The following GGACT variants were observed in gnomAD, a reference collection of about 807,000 sequenced individuals.
GGACT encodes gamma-glutamylamine cyclotransferase.
For synonymous variants in GGACT, 118 were observed against 115.3 expected (o/e 1.02, Z -0.15); for missense variants, 241 against 233.2 (o/e 1.03, Z -0.22).
intron 2 of GGACT, among the ~76,000 whole-genome samples, chr13:100,557,156 G>A (rs896308780): frequency 1.3e-5 from 2 of 152,200 alleles, no homozygotes; most frequent in African/African-American, 4.8e-5. Flanking sequence ...CTCCTAAAGT[G>A]CTGGGATTAC....
intron 2 of GGACT, among the ~76,000 whole-genome samples, chr13:100,564,968 G>A (rs933484801): frequency 2.0e-5 from 3 of 152,186 alleles, no homozygotes; most frequent in Non-Finnish European, 4.4e-5. Context: ...AGGTTTAAAG[G>A]GAGGTTGTGA....
rs549713543 is a variant in GGACT, at chr13:100,542,279, C to T, written c.-10-9678G>A. Among the ~76,000 whole-genome samples the T allele has an allele frequency of 1.8e-4, 28 of 152,288 alleles. 1 individual carries two copies. The South Asian group carries it at 2.9e-3, about 16-fold the overall frequency. ...GCCGCTGACCCCCCCAGCAAGAAGA[C>T]GGGTAGGGTTTGTTTCATGGGACAA... On this transcript the variant is annotated intron_variant, in intron 2 of 2. Transcript: ENST00000683975.
At chr13:100,541,361 C>G (rs2088552953) in intron 2 of GGACT, among the ~76,000 whole-genome samples, 1 of 152,210 alleles carries the variant, frequency 6.6e-6, no homozygotes, top group Non-Finnish European at 1.5e-5. Flanking sequence ...ACCTGTGGGA[C>G]TTTGGGCAAG....
chr13:100,550,269 G>C (rs920607070), intron 2 of GGACT, among the ~76,000 whole-genome samples: 1 of 148,356 alleles, frequency 6.7e-6, no homozygotes, highest in Non-Finnish European at 1.5e-5. Context: ...TGGATGCGCT[G>C]AATGAATTAA....
intron 2 of GGACT, chr13:100,539,606 A>T (rs1201305557): frequency 6.9e-6 from 3 of 435,368 alleles, no homozygotes; most frequent in African/African-American, 4.0e-5. Flanking sequence ...TCTGTTTGCT[A>T]GTGTGTTGTT....
chr13:100,583,437 T>G (rs1396501536), intron 2 of GGACT, among the ~76,000 whole-genome samples: 1 of 152,212 alleles, frequency 6.6e-6, no homozygotes, highest in Non-Finnish European at 1.5e-5. Context: ...TATAAATAAT[T>G]CTTATAAATC....
At chr13:100,546,373 A>AC (rs1467415576) in intron 2 of GGACT, among the ~76,000 whole-genome samples, 2 of 151,822 alleles carry the variant, frequency 1.3e-5, no homozygotes, top group Admixed American at 1.3e-4. Flanking sequence ...AAAAAAAAAA[A>AC]AAAAAAAAAA....
At chr13:100,548,434 C>A (rs2088628346) in intron 2 of GGACT, among the ~76,000 whole-genome samples, 2 of 152,166 alleles carry the variant, frequency 1.3e-5, no homozygotes, top group Non-Finnish European at 2.9e-5. Flanking sequence ...CACAGTCATT[C>A]TCTTCTCTAG....
rs1205802792 is a variant in GGACT at position 100,558,842 on chromosome 13, G to T, written c.-11+24983C>A. Among the ~76,000 whole-genome samples the T allele has an allele frequency of 2.6e-5, 4 of 152,116 alleles. No individual in the cohort carries two copies. In the East Asian group the frequency reaches 7.7e-4, roughly 29 times the overall value. The stretch of plus-strand genomic sequence containing the variant: ...AGGCTGAGGTAGCTAGGGGGAGAGG[G>T]GATGGAGAGAGGTTGGTCAGAGAGC... On this transcript the variant is annotated intron_variant, in intron 2 of 2. Coordinates refer to ENST00000683975, the MANE Select transcript of GGACT (RefSeq NM_001195087.2).
In GGACT at chr13:100,550,332, A is replaced by T. The variant is rs1031047130; in HGVS notation, c.-10-17731T>A. On this transcript the variant is annotated intron_variant, in intron 2 of 2. Transcript: ENST00000683975. ...CACACACACACACACACACACACACACACACACACACACACACACACACCA... is the reference window on the plus strand; with the variant it reads ...CACACACACACACACACACACACACTCACACACACACACACACACACACCA... 4.5e-5 allele frequency among the ~76,000 whole-genome samples: 6 copies of T among 132,508 alleles called. No homozygotes were observed. In the East Asian group the frequency reaches 1.3e-3, roughly 29 times the overall value. 86.9% of individuals were successfully genotyped at this position (132,508 alleles called of 152,430 possible).
intron 2 of GGACT, among the ~76,000 whole-genome samples, chr13:100,568,518 A>G (rs530366768): frequency 1.3e-5 from 2 of 152,340 alleles, no homozygotes; most frequent in East Asian, 1.9e-4. Flanking sequence ...ACCATCCCCC[A>G]TGATTCAATT....
intron 2 of GGACT, among the ~76,000 whole-genome samples, chr13:100,562,864 G>A (rs2088777580): frequency 6.6e-6 from 1 of 151,674 alleles, no homozygotes. Context: ...GTGGTTTCTT[G>A]ACTCCAGAGT....
At chr13:100,574,024 C>T (rs564418596) in intron 2 of GGACT, among the ~76,000 whole-genome samples, 1 of 152,236 alleles carries the variant, frequency 6.6e-6, no homozygotes, top group East Asian at 1.9e-4. Context: ...CCTAGCAATC[C>T]CATTACTGGG....
chr13:100,547,526 G>A (rs1211702994), intron 2 of GGACT, among the ~76,000 whole-genome samples: 1 of 152,238 alleles, frequency 6.6e-6, no homozygotes, highest in Non-Finnish European at 1.5e-5. Context: ...GCCCCGCGCA[G>A]GCCTGGTCTG....
At chr13:100,553,472 C>T (rs1202911642) in intron 2 of GGACT, among the ~76,000 whole-genome samples, 14 of 152,164 alleles carry the variant, frequency 9.2e-5, no homozygotes, top group South Asian at 2.1e-4. Flanking sequence ...GGCAGCAACA[C>T]GATGGCATTC....
intron 2 of GGACT, among the ~76,000 whole-genome samples, chr13:100,568,211 C>T (rs1302340114): frequency 1.3e-5 from 2 of 152,252 alleles, no homozygotes; most frequent in Non-Finnish European, 2.9e-5. Flanking sequence ...TATTGGCCAA[C>T]ATCCTGCTGT....
intron 2 of GGACT, chr13:100,533,822 A>C (rs1423277320): frequency 2.0e-5 from 3 of 152,298 alleles, no homozygotes; most frequent in African/African-American, 7.2e-5. Flanking sequence ...ACTCAAACAA[A>C]AATGGAAATG....
chr13:100,567,927 C>T (rs1454261000), intron 2 of GGACT, among the ~76,000 whole-genome samples: 1 of 152,198 alleles, frequency 6.6e-6, no homozygotes, highest in Admixed American at 6.5e-5. Context: ...CATCTTCCCT[C>T]ACAAGACAAA....
At position 100,534,366 on chromosome 13, in the gene GGACT, C is replaced by A. The variant is rs75252546; in HGVS notation, c.-10-1765G>T. 6.6e-6 allele frequency among the ~76,000 whole-genome samples: 1 copy of A among 152,066 alleles called. No individual in the cohort carries two copies. Among genetic ancestry groups the A allele is most frequent in the African/African-American group, 2.4e-5 (1 of 41,482 alleles). On this transcript the variant is annotated intron_variant, in intron 2 of 2. Transcript: ENST00000683975. The surrounding 1 kb of genome is among the most constrained non-coding windows in gnomAD (Gnocchi z 4.9). ...ACACAGATTAGACCTGGGGGGCATG[C>A]TGGGATAGGAAAGTTGAGATGTGAA...
Sources: allele counts gnomAD v4.1 joint callset (sites outside exome capture counted in the v4.1 genomes callset), GRCh38; gene constraint gnomAD v4.1.1; non-coding constraint Gnocchi (gnomAD v3.1); transcripts MANE v1.5; gene names NCBI Gene and HGNC (gene_info 2026-07-23, HGNC 2026-07-21).